Variants in ABCC1 observed in about 807,000 individuals in gnomAD.
ABCC1 encodes multidrug resistance-associated protein 1.
Under a neutral mutation model 172.9 loss-of-function variants are expected in ABCC1, and 83 were observed. The observed-to-expected ratio is 0.48, with a 90% confidence interval of 0.40 to 0.58. The LOEUF (loss-of-function observed/expected upper bound fraction) is 0.58. ABCC1 is among the 20% of genes least tolerant of loss of function. ABCC1 has a pLI of 0.00. For missense variants in ABCC1, 1,817 were observed against 2,002.7 expected, an observed-to-expected ratio of 0.91 and a Z score of 1.77; for synonymous variants, 937 against 825.2, an observed-to-expected ratio of 1.14 and a Z score of -2.32.
chr16:16,043,354 A>G (rs1248738751), intron 7 of ABCC1, among the ~76,000 whole-genome samples: 1 of 150,294 alleles, frequency 6.7e-6, no homozygotes, highest in Non-Finnish European at 1.5e-5. Context: ...GCTGGAGTGC[A>G]ATGGTGTGGT....
rs752336510 is a variant in ABCC1, at chr16:16,068,224, C to A, written c.1746C>A (p.Ala582=). The change falls in exon 13 of 31, where the codon GCC becomes GCA. Residue 582 remains alanine, a synonymous_variant. Coordinates refer to ENST00000399410, the MANE Select transcript of ABCC1 (RefSeq NM_004996.4). ...ACAACATCCTGGATGCCCAGACAGC[C>A]TTCGTGTCTTTGGCCTTGTTCAACA... ...DENNILDAQT[A]FVSLALFNIL... 24 of 1,614,180 alleles carry A rather than the reference C, an allele frequency of 1.5e-5. 1 individual carries two copies. In the South Asian group the frequency reaches 2.6e-4, roughly 18 times the overall value.
intron 1 of ABCC1, among the ~76,000 whole-genome samples, chr16:15,975,756 A>G (rs1364614816): frequency 6.6e-6 from 1 of 151,606 alleles, no homozygotes; most frequent in Non-Finnish European, 1.5e-5. Flanking sequence ...GGGTTTCTCC[A>G]TGTTGGTAAA....
At chr16:15,960,383 G>C (rs1478181723) in intron 1 of ABCC1, among the ~76,000 whole-genome samples, 1 of 152,040 alleles carries the variant, frequency 6.6e-6, no homozygotes, top group Non-Finnish European at 1.5e-5. Flanking sequence ...TGTGGTCTTT[G>C]ATACCCCTGG....
intron 14 of ABCC1, among the ~76,000 whole-genome samples, chr16:16,075,933 C>T (rs2050544761): frequency 6.6e-6 from 1 of 152,158 alleles, no homozygotes; most frequent in African/African-American, 2.4e-5. Context: ...CCAGCTGTTT[C>T]CCACTGACCT....
intron 23 of ABCC1, among the ~76,000 whole-genome samples, chr16:16,119,704 A>T (rs1479414125): frequency 2.0e-5 from 3 of 152,120 alleles, no homozygotes; most frequent in Non-Finnish European, 4.4e-5. Context: ...ATAAAATAAG[A>T]TCATTCCTGA....
chr16:16,136,600 T>A lies in ABCC1; in HGVS notation c.4248T>A (p.Pro1416=), dbSNP rs372795140. Residue 1416 remains proline, a synonymous_variant, in exon 29 of 31, where the codon CCT becomes CCA. Coordinates refer to ENST00000399410, the MANE Select transcript of ABCC1 (RefSeq NM_004996.4). Reference sequence around the variant, plus strand: ...TGAAGGACTTCGTGTCAGCCCTTCCTGACAAGCTAGACCATGAATGTGCAG... The same window carrying A: ...TGAAGGACTTCGTGTCAGCCCTTCCAGACAAGCTAGACCATGAATGTGCAG... ...AHLKDFVSAL[P]DKLDHECAEG... The A allele has an allele frequency of 1.9e-6, 3 of 1,614,112 alleles. No homozygotes were observed. In the African/African-American group the frequency reaches 4.0e-5, roughly 22 times the overall value.
chr16:16,029,303 A>G (rs752548466), intron 5 of ABCC1, among the ~76,000 whole-genome samples: 51 of 151,992 alleles, frequency 3.4e-4, no homozygotes, highest in Admixed American at 9.2e-4. Flanking sequence ...GCTTGCTGCA[A>G]CCTCTGCCTC....
At chr16:16,013,386 T>C (rs552540003) in intron 3 of ABCC1, among the ~76,000 whole-genome samples, 46 of 152,040 alleles carry the variant, frequency 3.0e-4, no homozygotes, top group African/African-American at 1.1e-3. Flanking sequence ...TTCTCCTGCC[T>C]CAGCTTCCCA....
chr16:16,015,182 C>T (rs2151758388), intron 4 of ABCC1, among the ~76,000 whole-genome samples: 1 of 150,234 alleles, frequency 6.7e-6, no homozygotes, highest in South Asian at 2.1e-4. Flanking sequence ...GCTCTGTCAC[C>T]AGGCTGGAGT....
chr16:16,087,146 TC>T (rs1477199940), intron 18 of ABCC1, among the ~76,000 whole-genome samples, 155 bp downstream of exon 18: 1 of 152,196 alleles, frequency 6.6e-6, no homozygotes, highest in Non-Finnish European at 1.5e-5. Flanking sequence ...TTGGAAGCCT[TC>T]CTAAGACAGC....
intron 1 of ABCC1, 84 bp from the exon 2 acceptor site, chr16:16,007,732 G>A (rs1456882004): frequency 8.0e-6 from 11 of 1,367,290 alleles, no homozygotes; most frequent in Non-Finnish European, 4.0e-6. Flanking sequence ...TTCAAACCCC[G>A]TGGCAGCTGG....
chr16:16,037,729 G>A (rs1018353561), intron 7 of ABCC1, among the ~76,000 whole-genome samples: 5 of 152,130 alleles, frequency 3.3e-5, no homozygotes, highest in Admixed American at 1.3e-4. Flanking sequence ...CCCCAGACCG[G>A]GGTTCTGTTC....
rs148624874 is a variant in ABCC1 at position 16,050,284 on chromosome 16, C to T, written c.1380+1981C>T. Among the ~76,000 whole-genome samples, 386 of 152,062 alleles carry T rather than the reference C, an allele frequency of 2.5e-3. 3 individuals carry two copies. Among genetic ancestry groups the T allele is most frequent in the African/African-American group, 8.5e-3 (351 of 41,494 alleles). On this transcript the variant is annotated intron_variant, in intron 10 of 30. Transcript: ENST00000399410. ...GAGCAGCCTGGCCAACATGGCAAAA[C>T]CCCGTCTCTACTAAAAATATAAACA...
chr16:16,012,628 C>T (rs114174674), intron 3 of ABCC1, among the ~76,000 whole-genome samples: 2,757 of 151,718 alleles, frequency 0.018, 88 homozygotes, highest in African/African-American at 0.064. Context: ...AGCCACCATA[C>T]GTGGTCAGCT....
chr16:16,106,960 A>G (rs981224449), intron 21 of ABCC1, 87 bp downstream of exon 21: 17 of 1,547,130 alleles, frequency 1.1e-5, no homozygotes, highest in Middle Eastern at 3.9e-4. Context: ...TGCCTTGTCT[A>G]TGTTAACTCA....
intron 7 of ABCC1, among the ~76,000 whole-genome samples, chr16:16,037,850 G>A (rs1376620948): frequency 6.6e-6 from 1 of 152,180 alleles, no homozygotes; most frequent in Non-Finnish European, 1.5e-5. Context: ...AGAGGACCTC[G>A]TGACTCCGGT....
At chr16:16,116,846 C>T (rs985615631) in intron 23 of ABCC1, among the ~76,000 whole-genome samples, 13 of 152,192 alleles carry the variant, frequency 8.5e-5, no homozygotes, top group African/African-American at 2.2e-4. Flanking sequence ...AGGCATTGAC[C>T]CACTGAGCCC....
chr16:15,975,219 A>G (rs1464847089), intron 1 of ABCC1, among the ~76,000 whole-genome samples: 2 of 152,166 alleles, frequency 1.3e-5, no homozygotes, highest in South Asian at 2.1e-4. Context: ...GCTACCTGCT[A>G]CCTTTAGGGG....
At chr16:15,974,796 T>C (rs1249297571) in intron 1 of ABCC1, among the ~76,000 whole-genome samples, 2 of 152,200 alleles carry the variant, frequency 1.3e-5, no homozygotes, top group South Asian at 2.1e-4. Flanking sequence ...TTTCTGTTTT[T>C]CTTTTTATGA....
Sources: gnomAD v4.1 joint callset for allele counts (sites outside exome capture counted in the v4.1 genomes callset) on GRCh38, gnomAD v4.1.1 for gene constraint, MANE v1.5 for transcripts, NCBI Gene and HGNC (gene_info 2026-07-23, HGNC 2026-07-21) for gene names.